The following SLC29A4 variants were observed in gnomAD, a reference collection of about 807,000 sequenced individuals.
SLC29A4 encodes equilibrative nucleoside transporter 4.
Under a neutral mutation model 43.9 loss-of-function variants are expected in SLC29A4, and 36 were observed. The ratio of observed to expected loss-of-function variants is 0.82; its 90% CI spans 0.63 to 1.08. The LOEUF (loss-of-function observed/expected upper bound fraction) is 1.08. Ranked by LOEUF, SLC29A4 falls within the 50% of genes least tolerant of loss-of-function variation. The pLI is 0.00. For synonymous variants in SLC29A4, 491 were observed against 338.0 expected (o/e 1.45, Z -4.97); for missense variants, 869 against 755.3 (o/e 1.15, Z -1.77).
In SLC29A4 at chr7:5,290,046, C is replaced by A. The variant is rs570071428; in HGVS notation, c.170-686C>A. 9.6e-3 allele frequency among the ~76,000 whole-genome samples: 1,351 copies of A among 140,886 alleles called. 24 individuals are homozygous for A. Among genetic ancestry groups the A allele is most frequent in the African/African-American group, 0.034 (1,284 of 37,978 alleles). 92.4% of individuals were successfully genotyped at this position (140,886 alleles called of 152,430 possible). A position where few individuals can be genotyped will look rare whatever the true frequency, so the allele number is the denominator to read the frequency against. ...AAATATAGGCGTGCACCACCATGCC[C>A]AGCTAATTTTTTTTTTTTTTTTTTT... is the stretch of plus-strand genomic sequence containing the variant. On this transcript the variant is annotated intron_variant, in intron 2 of 10. Transcript: ENST00000396872.
At position 5,301,578 on chromosome 7, in the gene SLC29A4, T is replaced by G. The variant is rs116583496; in HGVS notation, c.1450+916T>G. The stretch of plus-strand genomic sequence containing the variant: ...AAGAGGAACGGGGTTTGATGGTTGA[T>G]AAAGCATCCCTCCAGCTGCCGTGGG... On this transcript the variant is annotated intron_variant, in intron 10 of 10. Transcript: ENST00000396872. Among the ~76,000 whole-genome samples, 1,511 of 152,216 alleles carry G rather than the reference T, an allele frequency of 9.9e-3. 36 individuals carry two copies. Among genetic ancestry groups the G allele is most frequent in the African/African-American group, 0.035 (1,455 of 41,512 alleles).
chr7:5,288,294 GCTT>G (rs1785087776), intron 2 of SLC29A4, among the ~76,000 whole-genome samples: 1 of 112,808 alleles, frequency 8.9e-6, no homozygotes, highest in Non-Finnish European at 1.8e-5. Context: ...GACCCGTACA[GCTT>G]CTTTTTTTTT....
chr7:5,298,314 C>G (rs947124430), intron 7 of SLC29A4, among the ~76,000 whole-genome samples: 5 of 152,204 alleles, frequency 3.3e-5, no homozygotes, highest in African/African-American at 1.2e-4. Flanking sequence ...AAGACCTGAC[C>G]CACAGGAAGC....
Position 5,300,465 on chromosome 7 carries a change from T to G in SLC29A4, c.1253T>G (p.Leu418Arg). ...LPVDWRGTHL[L>R]ACSCLRVVFI... ...GTGGACTGGCGGGGCACCCACCTGCTGGCCTGCTCCTGCCTGCGTGTGGTC... is the reference window on the plus strand; with the variant it reads ...GTGGACTGGCGGGGCACCCACCTGCGGGCCTGCTCCTGCCTGCGTGTGGTC... Residue 418 changes from leucine to arginine, a missense_variant, in exon 10 of 11, where the codon CTG becomes CGG. Transcript: ENST00000396872. 1 of 1,611,440 alleles carries G rather than the reference T, an allele frequency of 6.2e-7. No individual in the cohort carries two copies. The highest frequency in any genetic ancestry group is 8.5e-7 in the Non-Finnish European group (1 of 1,179,748).
At chr7:5,300,125 G>T (rs552041139) in intron 9 of SLC29A4, among the ~76,000 whole-genome samples, 1 of 152,200 alleles carries the variant, frequency 6.6e-6, no homozygotes, top group Non-Finnish European at 1.5e-5. Flanking sequence ...CCAGCTAGTC[G>T]GGAGGCTGAG....
At chr7:5,298,967 C>T (rs762341496) in intron 7 of SLC29A4, 21 bp from the exon 8 acceptor site, 2 of 1,603,190 alleles carry the variant, frequency 1.2e-6, no homozygotes, top group Admixed American at 1.7e-5. Context: ...CCAACCCCAT[C>T]CCACTCCATC....
chr7:5,296,558 G>A (rs1269877136), intron 6 of SLC29A4, among the ~76,000 whole-genome samples: 1 of 50,854 alleles, frequency 2.0e-5, no homozygotes, highest in Non-Finnish European at 4.1e-5. Context: ...GGGAGCGGGT[G>A]GGACGGGGCT....
intron 2 of SLC29A4, among the ~76,000 whole-genome samples, chr7:5,288,338 C>G (rs1011062760): frequency 7.0e-5 from 9 of 127,996 alleles, no homozygotes; most frequent in Non-Finnish European, 1.3e-4. Context: ...CGGAGTCTCA[C>G]TCTGTCACCC....
chr7:5,300,834 CATTT>C (rs1208445753), intron 10 of SLC29A4, among the ~76,000 whole-genome samples, 172 bp downstream of exon 10: 1 of 152,236 alleles, frequency 6.6e-6, no homozygotes, highest in African/African-American at 2.4e-5. Context: ...TTCATTCACT[CATTT>C]ATTCGTTCGT....
rs2128090668 is a variant in SLC29A4 at position 5,297,143 on chromosome 7, G to A, written c.827G>A (p.Gly276Asp). ...AGCCACCGGGGCAGGCCAGGCCTGG[G>A]CAGGGGCTATGGCTACCGCGTGCAC... ...RDSHRGRPGLGRGYGYRVHHD... is the reference protein window; with the variant it reads ...RDSHRGRPGLDRGYGYRVHHD... The change falls in exon 7 of 11, where the codon GGC becomes GAC. Residue 276 changes from glycine to aspartate, a missense_variant. By Grantham distance (94) the Gly-to-Asp change is moderately conservative. Coordinates refer to ENST00000396872, the MANE Select transcript of SLC29A4 (RefSeq NM_153247.4). 1.9e-6 allele frequency: 3 copies of A among 1,604,376 alleles called. No individual in the cohort carries two copies. In the East Asian group the frequency reaches 6.7e-5, roughly 36 times the overall value.
chr7:5,306,829 A>AAAAAAAG lies in SLC29A4; in HGVS notation c.*3894_*3895insAAGAAAA, dbSNP rs1786553766. 1 of 151,550 alleles carries AAAAAAAG rather than the reference A, an allele frequency of 6.6e-6. No individual in the cohort carries two copies. The highest frequency in any genetic ancestry group is 2.4e-5 in the African/African-American group (1 of 41,260). The allele number at this position is 151,550 out of a possible 1,614,324, so 9.4% of individuals were successfully genotyped here. On this transcript the variant is annotated 3_prime_UTR_variant, in exon 11 of 11. Coordinates refer to ENST00000396872, the MANE Select transcript of SLC29A4 (RefSeq NM_153247.4). ...TTAAATCTTTTCTTTTTTTTTATGA[A>AAAAAAAG]AAAAGATCACACAGAATTTGCCAAC... is the stretch of plus-strand genomic sequence containing the variant.
chr7:5,306,876 A>T lies in SLC29A4; in HGVS notation c.*3937A>T, dbSNP rs73673110. The T allele has an allele frequency of 2.3e-5, 2 of 88,244 alleles. No individual in the cohort carries two copies. The highest frequency in any genetic ancestry group is 4.6e-4 in the East Asian group (1 of 2,192). 5.5% of individuals were successfully genotyped at this position (88,244 alleles called of 1,614,324 possible). ...CAACAAACAAAATTCCAAAAGAAAC[A>T]TAAAAAAAAAAACCAATAATTCCCC... On this transcript the variant is annotated 3_prime_UTR_variant, in exon 11 of 11. Transcript: ENST00000396872.
rs889825492 is a variant in SLC29A4 at position 5,304,305 on chromosome 7, C to CCG, written c.*1367_*1368insGC. On this transcript the variant is annotated 3_prime_UTR_variant, in exon 11 of 11. Coordinates refer to ENST00000396872, the MANE Select transcript of SLC29A4 (RefSeq NM_153247.4). ...TGTCGCTCACCTTGACCGCCCGCCC[C>CCG]CCCCACCCCTTCGTGAGGATCAGGG... 6.7e-6 allele frequency: 1 copy of CCG among 148,950 alleles called. No homozygotes were observed. Among genetic ancestry groups the CCG allele is most frequent in the African/African-American group, 2.4e-5 (1 of 40,884 alleles). 9.2% of individuals were successfully genotyped at this position (148,950 alleles called of 1,614,324 possible). A position where few individuals can be genotyped will look rare whatever the true frequency, so the allele number is the denominator to read the frequency against.
intron 10 of SLC29A4, 58 bp downstream of exon 10, chr7:5,300,720 C>A: frequency 1.3e-6 from 2 of 1,577,686 alleles, no homozygotes; most frequent in Non-Finnish European, 1.7e-6. Flanking sequence ...ATGCCCCCCT[C>A]GCGAGGAAAC....
chr7:5,306,801 C>T lies in SLC29A4; in HGVS notation c.*3862C>T, dbSNP rs1195534439. On this transcript the variant is annotated 3_prime_UTR_variant, in exon 11 of 11. Transcript: ENST00000396872. ...ACCACTCCAGACAATTTTATTTTTCCAATTAAATCTTTTCTTTTTTTTTAT... is the reference window on the plus strand; with the variant it reads ...ACCACTCCAGACAATTTTATTTTTCTAATTAAATCTTTTCTTTTTTTTTAT... 1 of 151,928 alleles carries T rather than the reference C, an allele frequency of 6.6e-6. No individual in the cohort carries two copies. Among genetic ancestry groups the T allele is most frequent in the Non-Finnish European group, 1.5e-5 (1 of 67,992 alleles). The allele number at this position is 151,928 out of a possible 1,614,324, so 9.4% of individuals were successfully genotyped here.
intron 5 of SLC29A4, 55 bp downstream of exon 5, chr7:5,291,876 C>A: frequency 1.3e-6 from 2 of 1,566,264 alleles, no homozygotes; most frequent in South Asian, 2.3e-5. Flanking sequence ...GACCCCATCC[C>A]ACCCCAGCCC....
In SLC29A4 at chr7:5,300,798, G is replaced by A. The variant is rs1019650350; in HGVS notation, c.1450+136G>A. On this transcript the variant is annotated intron_variant, in intron 10 of 10. Coordinates refer to ENST00000396872, the MANE Select transcript of SLC29A4 (RefSeq NM_153247.4). Reference sequence around the variant, plus strand: ...CAGAACAGTCAGTGTCTGGGAGGCCGTAGGTGTGGGGACATTCTCAGCCAC... The same window carrying A: ...CAGAACAGTCAGTGTCTGGGAGGCCATAGGTGTGGGGACATTCTCAGCCAC... 28 of 1,208,346 alleles carry A rather than the reference G, an allele frequency of 2.3e-5. 1 individual carries two copies. In the South Asian group the frequency reaches 2.7e-4, roughly 12 times the overall value. The allele number at this position is 1,208,346 out of a possible 1,614,324, so 74.9% of individuals were successfully genotyped here.
chr7:5,301,882 T>A (rs933640705), intron 10 of SLC29A4, among the ~76,000 whole-genome samples: 8 of 152,128 alleles, frequency 5.3e-5, no homozygotes, highest in African/African-American at 1.9e-4. Flanking sequence ...TGGGACTTGG[T>A]ACGTTCCAGG....
At chr7:5,297,251 C>T (rs1785771223) in intron 7 of SLC29A4, 53 bp downstream of exon 7, 3 of 1,461,560 alleles carry the variant, frequency 2.1e-6, no homozygotes, top group South Asian at 1.4e-5. Flanking sequence ...TCTCTGTCCC[C>T]ACCGCTTCGT....
Sources: gnomAD v4.1 joint callset for allele counts (sites outside exome capture counted in the v4.1 genomes callset) on GRCh38, gnomAD v4.1.1 for gene constraint, MANE v1.5 for transcripts, NCBI Gene and HGNC (gene_info 2026-07-23, HGNC 2026-07-21) for gene names.